Variants in PSMD8 observed in about 807,000 individuals in gnomAD.
PSMD8 encodes the protein 26S proteasome non-ATPase regulatory subunit 8.
PSMD8 carries 30 observed loss-of-function variants against 40.0 expected under a neutral mutation model. The observed-to-expected ratio is 0.75, with a 90% CI of 0.56 to 1.02. PSMD8 has a LOEUF of 1.02. Among genes scored for constraint, PSMD8 ranks in the 50% least tolerant of loss-of-function variants. PSMD8 has a pLI of 0.00. For synonymous variants in PSMD8, 208 were observed against 192.5 expected (o/e 1.08, Z -0.67); for missense variants, 461 against 463.9 (o/e 0.99, Z 0.06).
intron 6 of PSMD8, among the ~76,000 whole-genome samples, 167 bp from the exon 7 acceptor site, chr19:38,383,086 G>A (rs1568389078): frequency 1.3e-5 from 2 of 152,136 alleles, no homozygotes; most frequent in Non-Finnish European, 2.9e-5. Flanking sequence ...TCTCAACACA[G>A]AGAAACTGAG....
chr19:38,382,599 G>A (rs1970650979), intron 6 of PSMD8: 1 of 449,586 alleles, frequency 2.2e-6, no homozygotes, highest in African/African-American at 2.0e-5. Context: ...GCTATGGAAG[G>A]TGAAATTGGG....
rs79520405 is a variant in PSMD8 at position 38,383,032 on chromosome 19, A to G, written c.916-221A>G. ...GTGCTTTAAAGATGTTGATTCACCA[A>G]ATCCTCACAGTTGACCCAGAGAGGT... On this transcript the variant is annotated intron_variant, in intron 6 of 6. Coordinates refer to ENST00000215071, the MANE Select transcript of PSMD8 (RefSeq NM_002812.5). 3.6e-3 allele frequency among the ~76,000 whole-genome samples: 551 copies of G among 152,288 alleles called. 6 individuals carry two copies. Among genetic ancestry groups the G allele is most frequent in the African/African-American group, 0.012 (513 of 41,556 alleles).
intron 6 of PSMD8, chr19:38,382,926 AAAAAG>A (rs1970654821): frequency 3.7e-6 from 1 of 272,950 alleles, no homozygotes; most frequent in African/African-American, 2.2e-5. Flanking sequence ...AAAAAAAAAA[AAAAAG>A]AAGAAGGTGA....
intron 4 of PSMD8, 54 bp downstream of exon 4, chr19:38,379,459 G>T: frequency 6.3e-7 from 1 of 1,577,108 alleles, no homozygotes; most frequent in Non-Finnish European, 8.7e-7. Flanking sequence ...GTGCAGGGGT[G>T]GTCTTAGGAG....
chr19:38,383,120 T>C (rs1007661819), intron 6 of PSMD8, 133 bp from the exon 7 acceptor site: 1 of 1,174,616 alleles, frequency 8.5e-7, no homozygotes, highest in Non-Finnish European at 1.2e-6. Context: ...AAGTTACTTG[T>C]CAAGGGTCGT....
chr19:38,381,084 C>T lies in PSMD8; in HGVS notation c.803+85C>T, dbSNP rs184861905. 2,440 of 1,115,776 alleles carry T rather than the reference C, an allele frequency of 2.2e-3. 7 individuals carry two copies. The highest frequency in any genetic ancestry group is 5.5e-3 in the Middle Eastern group (27 of 4,906). The allele number at this position is 1,115,776 out of a possible 1,614,324, so 69.1% of individuals were successfully genotyped here. ...CTCCGAGTCTGAATCTCATTCCAGCCATTGGTTGTCTGGGTAGGCTAGGTG... is the reference window on the plus strand; with the variant it reads ...CTCCGAGTCTGAATCTCATTCCAGCTATTGGTTGTCTGGGTAGGCTAGGTG... On this transcript the variant is annotated intron_variant, in intron 5 of 6. Coordinates refer to ENST00000215071, the MANE Select transcript of PSMD8 (RefSeq NM_002812.5).
chr19:38,379,707 T>C (rs1011814946), intron 4 of PSMD8, among the ~76,000 whole-genome samples: 1 of 151,802 alleles, frequency 6.6e-6, no homozygotes, highest in Non-Finnish European at 1.5e-5. Flanking sequence ...TGCTGAGTGC[T>C]GTGGAGAAAA....
intron 6 of PSMD8, chr19:38,382,903 CTCTG>C (rs752619511): frequency 1.1e-4 from 25 of 236,084 alleles, no homozygotes; most frequent in Non-Finnish European, 1.8e-4. Context: ...CAGAGCGAGA[CTCTG>C]TCTGGGGAAA....
At chr19:38,381,169 G>A in intron 5 of PSMD8, 170 bp downstream of exon 5, 1 of 580,498 alleles carries the variant, frequency 1.7e-6, no homozygotes, top group East Asian at 3.0e-5. Context: ...CTGGTCATGG[G>A]ATTGTGGATA....
Position 38,374,848 on chromosome 19 carries a change from A to T in PSMD8, c.247A>T (p.Thr83Ser), listed in dbSNP as rs772319675. The T allele has an allele frequency of 6.3e-7, 1 of 1,580,422 alleles. No individual in the cohort carries two copies. The highest frequency in any genetic ancestry group is 1.7e-5 in the Admixed American group (1 of 57,194). ...CTTCTCGAGCTCCGGGCCCGCGGCA[A>T]CCTCGGGCGCTGTTCTGCAGGCCGC... ...AGFSSSGPAATSGAVLQAATG... is the reference protein window; with the variant it reads ...AGFSSSGPAASSGAVLQAATG... Residue 83 changes from threonine (T) to serine (S), a missense_variant, in exon 1 of 7, where the codon ACC becomes TCC. By Grantham distance (58) the Thr-to-Ser change is moderately conservative (BLOSUM62 1). This residue lies in a region of PSMD8 where 225 missense variants were observed against 142.7 expected (regional missense o/e 1.58). Transcript: ENST00000215071.
At position 38,376,249 on chromosome 19, in the gene PSMD8, T is replaced by C. The variant is rs1266669160; in HGVS notation, c.433+17T>C. 1 of 1,584,284 alleles carries C rather than the reference T, an allele frequency of 6.3e-7. No individual in the cohort carries two copies. The highest frequency in any genetic ancestry group is 1.8e-5 in the Admixed American group (1 of 56,270). On this transcript the variant is annotated intron_variant, in intron 2 of 6. Transcript: ENST00000215071. ...TTCTGGCCCGTGAGTGTCACTGGGGTTGGTTGGGGGTGATAATCTGGGGGT... is the reference window on the plus strand; with the variant it reads ...TTCTGGCCCGTGAGTGTCACTGGGGCTGGTTGGGGGTGATAATCTGGGGGT...
intron 6 of PSMD8, 148 bp from the exon 7 acceptor site, chr19:38,383,105 A>C: frequency 1.1e-6 from 1 of 947,050 alleles, no homozygotes; most frequent in Non-Finnish European, 1.6e-6. Context: ...AGGCACAGAG[A>C]GGTGAAGTTA....
chr19:38,375,138 C>A, intron 1 of PSMD8, 177 bp downstream of exon 1: 4 of 1,068,116 alleles, frequency 3.7e-6, no homozygotes, highest in Non-Finnish European at 3.9e-6. Context: ...GCTCGGAGGG[C>A]GTCAAGAAGC....
At position 38,374,705 on chromosome 19, in the gene PSMD8, CCA is replaced by C. The variant is rs1970581743; in HGVS notation, c.106_107del (p.Thr36LeufsTer12). On this transcript the variant is annotated frameshift_variant, in exon 1 of 7. Coordinates refer to ENST00000215071, the MANE Select transcript of PSMD8 (RefSeq NM_002812.5). LOFTEE classifies it high-confidence loss of function. ...GTAGCCCCGCCCCGGGCCTTGGGCTCCACCTCTCGGCCCCACTTCCGCCGGGC... is the reference window on the plus strand; with the variant it reads ...GTAGCCCCGCCCCGGGCCTTGGGCTCCCTCTCGGCCCCACTTCCGCCGGGC... 1 of 1,545,000 alleles carries C rather than the reference CCA, an allele frequency of 6.5e-7. No individual in the cohort carries two copies. Among genetic ancestry groups the C allele is most frequent in the African/African-American group, 1.4e-5 (1 of 73,084 alleles).
rs1970621836 is a variant in PSMD8, at chr19:38,379,354, C to G, written c.651C>G (p.Ala217=). ...ACACGGAGTTGGAGCGGCTGCCTGCCAAGGACATACAGACCAATGTCTACA... is the reference window on the plus strand; with the variant it reads ...ACACGGAGTTGGAGCGGCTGCCTGCGAAGGACATACAGACCAATGTCTACA... ...EFHTELERLP[A]KDIQTNVYIK... is the part of the protein sequence containing the mutation. The change falls in exon 4 of 7, where the codon GCC becomes GCG. Residue 217 remains alanine, a synonymous_variant. Coordinates refer to ENST00000215071, the MANE Select transcript of PSMD8 (RefSeq NM_002812.5). The G allele has an allele frequency of 6.2e-7, 1 of 1,613,846 alleles. No individual in the cohort carries two copies. Among genetic ancestry groups the G allele is most frequent in the African/African-American group, 1.3e-5 (1 of 74,914 alleles).
intron 1 of PSMD8, chr19:38,375,166 C>G (rs903538300): frequency 7.1e-6 from 6 of 846,688 alleles, no homozygotes; most frequent in African/African-American, 1.7e-5. Flanking sequence ...GGACAGGGAG[C>G]GTTGATGGTC....
chr19:38,382,344 G>T (rs770051448), intron 6 of PSMD8, 116 bp downstream of exon 6: 2 of 807,232 alleles, frequency 2.5e-6, no homozygotes, highest in Non-Finnish European at 4.2e-6. Context: ...GTTCAACTGT[G>T]TGACTCTAGG....
Position 38,382,512 on chromosome 19 carries a change from C to T in PSMD8, c.915+284C>T, listed in dbSNP as rs979162462. On this transcript the variant is annotated intron_variant, in intron 6 of 6. Coordinates refer to ENST00000215071, the MANE Select transcript of PSMD8 (RefSeq NM_002812.5). Reference sequence around the variant, plus strand: ...TTCTTAGAGGTGGCAGCTTTTTCTGCAAGACTTTGCTTCATTTGGTCTCAG... The same window carrying T: ...TTCTTAGAGGTGGCAGCTTTTTCTGTAAGACTTTGCTTCATTTGGTCTCAG... 5 of 564,972 alleles carry T rather than the reference C, an allele frequency of 8.8e-6. No homozygotes were observed. In the Admixed American group the frequency reaches 1.7e-4, roughly 19 times the overall value. 35.0% of individuals were successfully genotyped at this position (564,972 alleles called of 1,614,324 possible).
intron 4 of PSMD8, among the ~76,000 whole-genome samples, 153 bp downstream of exon 4, chr19:38,379,558 T>C (rs1970623557): frequency 6.6e-6 from 1 of 152,214 alleles, no homozygotes; most frequent in South Asian, 2.1e-4. Flanking sequence ...GAGTCCCAGC[T>C]GTGTGCCTGG....
Sources: allele counts gnomAD v4.1 joint callset (sites outside exome capture counted in the v4.1 genomes callset), GRCh38; gene constraint gnomAD v4.1.1; regional missense constraint gnomAD v4.1.1; transcripts MANE v1.5; gene names NCBI Gene and HGNC (gene_info 2026-07-23, HGNC 2026-07-21).